The following ANK2 variants were observed in gnomAD, a reference collection of about 807,000 sequenced individuals.
The protein encoded by ANK2 is ankyrin 2, also known as ankyrin-2.
A neutral mutation model predicts 360.5 loss-of-function variants in ANK2; 83 were observed. The observed-to-expected ratio is 0.23, with a 90% CI of 0.19 to 0.28. ANK2 has a LOEUF of 0.28. Among genes scored for constraint, ANK2 ranks in the 10% least tolerant of loss-of-function variants. ANK2 has a pLI of 1.00. For synonymous variants in ANK2, 1,740 were observed against 1,759.5 expected (o/e 0.99, Z 0.28); for missense variants, 4,201 against 4,795.7 (o/e 0.88, Z 3.66).
chr4:113,295,539 T>C (rs29322), intron 22 of ANK2, among the ~76,000 whole-genome samples: 39,646 of 152,004 alleles, frequency 0.26, 5,615 homozygotes, highest in Admixed American at 0.33. Flanking sequence ...CTGGAAAAGA[T>C]GGGATGAAAA....
chr4:112,889,718 G>A (rs2079421433), intron 1 of ANK2, among the ~76,000 whole-genome samples: 1 of 152,080 alleles, frequency 6.6e-6, no homozygotes, highest in Admixed American at 6.5e-5. Flanking sequence ...ATTTCTCCTT[G>A]AAAAGAACTG....
chr4:113,043,904 C>G (rs1438530805), intron 2 of ANK2, among the ~76,000 whole-genome samples: 6 of 152,140 alleles, frequency 3.9e-5, no homozygotes, highest in Non-Finnish European at 8.8e-5. Context: ...ATCTGGCAGG[C>G]ATTCCTTTTT....
chr4:112,878,943 G>A (rs114151561), intron 1 of ANK2, among the ~76,000 whole-genome samples: 1,925 of 152,224 alleles, frequency 0.013, 36 homozygotes, highest in African/African-American at 0.041. Flanking sequence ...ATTTTTAATG[G>A]TATATCTAGG....
intron 2 of ANK2, among the ~76,000 whole-genome samples, chr4:112,967,189 G>A (rs2037608640): frequency 6.6e-6 from 1 of 152,170 alleles, no homozygotes; most frequent in Non-Finnish European, 1.5e-5. Flanking sequence ...CATTGAGGAG[G>A]GTGCGATTTG....
rs1469551110 is a variant in ANK2 at position 113,258,098 on chromosome 4, G to A, written c.1237G>A (p.Val413Ile). ...HIACKKNRIK[V>I]MELLVKYGAS... ...TGCCTGCAAGAAAAACCGCATCAAA[G>A]TCATGGAACTGCTGGTGAAATATGG... Residue 413 changes from valine (V) to isoleucine (I), a missense_variant, in exon 12 of 46, where the codon GTC (valine) becomes ATC (isoleucine). Physicochemically the swap from Val to Ile is conservative, Grantham distance 29. Coordinates refer to ENST00000357077, the MANE Select transcript of ANK2 (RefSeq NM_001148.6). The A allele has an allele frequency of 1.9e-6, 3 of 1,614,058 alleles. No homozygotes were observed. Among genetic ancestry groups the A allele is most frequent in the South Asian group, 1.1e-5 (1 of 91,080 alleles).
chr4:113,198,905 T>A, intron 3 of ANK2, 106 bp from the exon 4 acceptor site: 1 of 941,264 alleles, frequency 1.1e-6, no homozygotes, highest in Non-Finnish European at 1.7e-6. Context: ...AAATAACAAA[T>A]TTTAATCGGT....
the ANK2 span, among the ~76,000 whole-genome samples, chr4:112,787,326 G>A: frequency 1.1e-4 from 17 of 152,050 alleles, no homozygotes; most frequent in African/African-American, 3.9e-4. Context: ...TACTCCCCTC[G>A]ATAAACCCTC....
intron 2 of ANK2, among the ~76,000 whole-genome samples, chr4:113,023,136 A>G (rs747745448): frequency 5.3e-5 from 8 of 152,180 alleles, no homozygotes; most frequent in Middle Eastern, 3.2e-3. Flanking sequence ...AAAATAAAAT[A>G]AAATATTTTA....
At chr4:112,726,251 G>A in the ANK2 span, among the ~76,000 whole-genome samples, 1 of 152,210 alleles carries the variant, frequency 6.6e-6, no homozygotes, top group Non-Finnish European at 1.5e-5. Flanking sequence ...CAGAGAGGTG[G>A]TGATGGACAG....
Position 113,358,180 on chromosome 4 carries a change from G to A in ANK2, c.9562G>A (p.Glu3188Lys). The A allele has an allele frequency of 1.2e-6, 2 of 1,614,080 alleles. No homozygotes were observed. Among genetic ancestry groups the A allele is most frequent in the South Asian group, 1.1e-5 (1 of 91,074 alleles). ...EADLLPDDVSEEVEEIPASDA... is the reference protein window; with the variant it reads ...EADLLPDDVSKEVEEIPASDA... Reference sequence around the variant, plus strand: ...AGACTTACTTCCAGATGACGTGAGTGAGGAAGTAGAGGAAATACCTGCTTC... The same window carrying A: ...AGACTTACTTCCAGATGACGTGAGTAAGGAAGTAGAGGAAATACCTGCTTC... Residue 3188 changes from glutamate (E) to lysine (K), a missense_variant, in exon 38 of 46, where the codon GAG becomes AAG. Coordinates refer to ENST00000357077, the MANE Select transcript of ANK2 (RefSeq NM_001148.6).
chr4:112,862,760 G>A (rs530800439), intron 1 of ANK2, among the ~76,000 whole-genome samples: 3 of 151,902 alleles, frequency 2.0e-5, no homozygotes, highest in African/African-American at 7.2e-5. Flanking sequence ...AATGTTTTTT[G>A]TATAAATGAA....
chr4:112,934,269 G>A (rs1362564108), intron 2 of ANK2, among the ~76,000 whole-genome samples: 1 of 152,154 alleles, frequency 6.6e-6, no homozygotes, highest in African/African-American at 2.4e-5. Context: ...GAAGTTTTCC[G>A]AGGAAGCTAG....
intron 23 of ANK2, among the ~76,000 whole-genome samples, chr4:113,309,595 T>C (rs1251948426): frequency 6.6e-6 from 1 of 152,160 alleles, no homozygotes; most frequent in African/African-American, 2.4e-5. Context: ...CATGGCTCAC[T>C]GTAGCCTCGA....
intron 1 of ANK2, among the ~76,000 whole-genome samples, chr4:112,858,826 T>A (rs141654548): frequency 1.3e-5 from 2 of 152,342 alleles, no homozygotes; most frequent in Middle Eastern, 3.4e-3. Flanking sequence ...ATTTGACCAT[T>A]CAACAACTGT....
Position 113,360,829 on chromosome 4 carries a change from A to G in ANK2, c.10688A>G (p.Gln3563Arg). ...TGTTTTTGACCTTCTCCAGATCCAC[A>G]GGATGAGCAGGAACGGATCGAGGAA... ...ENGHDHAEDP[Q>R]DEQERIEERL... The change falls in exon 39 of 46, where the codon CAG (glutamine) becomes CGG (arginine). Residue 3563 changes from glutamine (Q) to arginine (R), a missense_variant. By Grantham distance (43) the Gln-to-Arg change is conservative. Coordinates refer to ENST00000357077, the MANE Select transcript of ANK2 (RefSeq NM_001148.6). 1.9e-6 allele frequency: 3 copies of G among 1,612,386 alleles called. No individual in the cohort carries two copies. The highest frequency in any genetic ancestry group is 1.7e-6 in the Non-Finnish European group (2 of 1,179,100).
upstream of ANK2, chr4:113,049,501 A>C: frequency 1.3e-6 from 1 of 768,538 alleles, no homozygotes; most frequent in Non-Finnish European, 1.9e-6. Context: ...TCTTCATTGT[A>C]ACCGGTTCCT....
At position 113,078,583 on chromosome 4, in the gene ANK2, C is replaced by T. The variant is rs144879913; in HGVS notation, c.84+28771C>T. Among the ~76,000 whole-genome samples the T allele has an allele frequency of 2.0e-5, 3 of 152,202 alleles. No individual in the cohort carries two copies. In the East Asian group the frequency reaches 5.8e-4, roughly 29 times the overall value. The stretch of plus-strand genomic sequence containing the variant: ...TCACCATTTATATGTTTTGATTCTT[C>T]TCATCAGTCCTGTGAGGTACTGTTA... On this transcript the variant is annotated intron_variant, in intron 1 of 45. Coordinates refer to ENST00000357077, the MANE Select transcript of ANK2 (RefSeq NM_001148.6).
In ANK2 at chr4:112,919,983, G is replaced by C. The variant is rs961661769; in HGVS notation, c.21+15469G>C. Among the ~76,000 whole-genome samples the C allele has an allele frequency of 2.6e-5, 4 of 151,996 alleles. No homozygotes were observed. The East Asian group carries it at 7.7e-4, about 29-fold the overall frequency. On this transcript the variant is annotated intron_variant, in intron 2 of 30. Transcript: ENST00000503271. Reference sequence around the variant, plus strand: ...TGAATAATAATTTATTATACGTAGAGCTGAATAATAACATTATGGAATTTT... The same window carrying C: ...TGAATAATAATTTATTATACGTAGACCTGAATAATAACATTATGGAATTTT...
At chr4:112,844,165 G>A (rs2062779992) in intron 1 of ANK2, among the ~76,000 whole-genome samples, 2 of 152,072 alleles carry the variant, frequency 1.3e-5, no homozygotes, top group Non-Finnish European at 2.9e-5. Flanking sequence ...TTTTGAGAAG[G>A]TAAAGTGGTC....
Sources: allele counts gnomAD v4.1 joint callset (sites outside exome capture counted in the v4.1 genomes callset), GRCh38; gene constraint gnomAD v4.1.1; transcripts MANE v1.5; gene names NCBI Gene and HGNC (gene_info 2026-07-23, HGNC 2026-07-21).